Variants in SCAPER observed in about 807,000 individuals in gnomAD.
The protein encoded by SCAPER is S phase cyclin A-associated protein in the endoplasmic reticulum.
A neutral mutation model predicts 182.2 loss-of-function variants in SCAPER; 98 were observed. The observed-to-expected ratio is 0.54, with a 90% confidence interval of 0.46 to 0.64. The LOEUF (loss-of-function observed/expected upper bound fraction) is 0.64. SCAPER is among the 30% of genes least tolerant of loss of function. The pLI is 0.00. For missense variants in SCAPER, 1,432 were observed against 1,690.0 expected (o/e 0.85, Z 2.68); for synonymous variants, 605 against 564.6 (o/e 1.07, Z -1.01).
chr15:76,862,183 A>C (rs2151884199), intron 3 of SCAPER, among the ~76,000 whole-genome samples: 1 of 152,322 alleles, frequency 6.6e-6, no homozygotes, highest in Middle Eastern at 3.4e-3. Context: ...TCTGCTGGTC[A>C]TAATAACACA....
intron 23 of SCAPER, among the ~76,000 whole-genome samples, chr15:76,541,063 T>C (rs1823226956): frequency 6.6e-6 from 1 of 151,550 alleles, no homozygotes; most frequent in Non-Finnish European, 1.5e-5. Flanking sequence ...GAGGTTGCAG[T>C]GAGCCGAGAT....
At chr15:76,616,732 C>T (rs1182439329) in intron 22 of SCAPER, among the ~76,000 whole-genome samples, 2 of 151,940 alleles carry the variant, frequency 1.3e-5, no homozygotes, top group Non-Finnish European at 2.9e-5. Context: ...AATTTGCTTT[C>T]CTTGTTGATA....
intron 22 of SCAPER, among the ~76,000 whole-genome samples, chr15:76,584,863 T>C (rs956789055): frequency 2.0e-5 from 3 of 152,162 alleles, no homozygotes; most frequent in African/African-American, 4.8e-5. Flanking sequence ...TCAATTTAAA[T>C]AAGAAAGTTC....
At chr15:76,548,397 C>T (rs1236088635) in intron 23 of SCAPER, among the ~76,000 whole-genome samples, 1 of 151,904 alleles carries the variant, frequency 6.6e-6, no homozygotes, top group Non-Finnish European at 1.5e-5. Flanking sequence ...ACATTTTCGG[C>T]GATTAGGAAT....
chr15:76,742,061 G>C (rs988193373), intron 15 of SCAPER, among the ~76,000 whole-genome samples: 1 of 152,082 alleles, frequency 6.6e-6, no homozygotes, highest in Non-Finnish European at 1.5e-5. Context: ...TGGTTAGAGA[G>C]TAGAGAGAAA....
chr15:76,361,637 C>T (rs576234399), intron 29 of SCAPER, among the ~76,000 whole-genome samples: 36 of 152,226 alleles, frequency 2.4e-4, no homozygotes, highest in Middle Eastern at 6.8e-3. Context: ...TAAGTGAAGG[C>T]GTGAGAATTA....
intron 1 of SCAPER, among the ~76,000 whole-genome samples, chr15:76,901,193 G>C (rs528931977): frequency 6.6e-6 from 1 of 152,266 alleles, no homozygotes; most frequent in East Asian, 1.9e-4. Context: ...TCGCACCACT[G>C]CACTCCAGCC....
intron 25 of SCAPER, among the ~76,000 whole-genome samples, chr15:76,440,074 A>G (rs2047456041): frequency 6.6e-6 from 1 of 152,194 alleles, no homozygotes; most frequent in South Asian, 2.1e-4. Flanking sequence ...AAATTTGTAG[A>G]TATTTCATAC....
chr15:76,651,228 T>C (rs769819693), intron 21 of SCAPER, among the ~76,000 whole-genome samples: 1 of 152,026 alleles, frequency 6.6e-6, no homozygotes, highest in Non-Finnish European at 1.5e-5. Flanking sequence ...ATTAACAAAA[T>C]TGATAAATTC....
intron 7 of SCAPER, among the ~76,000 whole-genome samples, chr15:76,799,696 C>T (rs995055332): frequency 2.0e-5 from 3 of 152,162 alleles, no homozygotes; most frequent in Non-Finnish European, 4.4e-5. Flanking sequence ...CTGCCCACGA[C>T]GGCCCAGGCT....
chr15:76,884,039 T>G (rs1198802783), intron 1 of SCAPER, among the ~76,000 whole-genome samples, 163 bp from the exon 2 acceptor site: 3 of 152,186 alleles, frequency 2.0e-5, no homozygotes, highest in Non-Finnish European at 2.9e-5. Context: ...GCTTTAAATA[T>G]TCCATGCTGA....
chr15:76,595,517 C>T (rs1176089026), intron 22 of SCAPER, among the ~76,000 whole-genome samples: 1 of 121,726 alleles, frequency 8.2e-6, no homozygotes, highest in South Asian at 2.6e-4. Context: ...ATACATTCTT[C>T]TCAGTACCAC....
chr15:76,375,099 A>G (rs2042455323), intron 29 of SCAPER, among the ~76,000 whole-genome samples: 1 of 149,566 alleles, frequency 6.7e-6, no homozygotes, highest in South Asian at 2.1e-4. Flanking sequence ...CCGCCGGTAG[A>G]CCCAACTACT....
chr15:76,851,044 A>G (rs777712770), intron 4 of SCAPER, among the ~76,000 whole-genome samples: 1 of 152,130 alleles, frequency 6.6e-6, no homozygotes, highest in African/African-American at 2.4e-5. Flanking sequence ...AAACACACTA[A>G]GAATTTCACA....
intron 26 of SCAPER, among the ~76,000 whole-genome samples, chr15:76,412,645 T>C (rs2045373370): frequency 6.6e-6 from 1 of 152,192 alleles, no homozygotes. Flanking sequence ...TTGATTAGCA[T>C]AACTCTGTAG....
intron 4 of SCAPER, among the ~76,000 whole-genome samples, chr15:76,854,191 C>T (rs1012475115): frequency 2.0e-5 from 3 of 152,032 alleles, no homozygotes; most frequent in Non-Finnish European, 4.4e-5. Context: ...ATCGCTTGAA[C>T]CCAGGAGGCG....
intron 1 of SCAPER, among the ~76,000 whole-genome samples, chr15:76,892,551 C>G (rs2074223342): frequency 6.6e-6 from 1 of 152,186 alleles, no homozygotes; most frequent in South Asian, 2.1e-4. Context: ...ATTTATACAG[C>G]CAACAGACAC....
intron 17 of SCAPER, among the ~76,000 whole-genome samples, chr15:76,723,377 G>T (rs1416852209): frequency 6.6e-6 from 1 of 152,112 alleles, no homozygotes; most frequent in African/African-American, 2.4e-5. Flanking sequence ...AATAGGTGTG[G>T]TGTGGTGTGC....
chr15:76,839,772 T>C (rs759482683), intron 5 of SCAPER, among the ~76,000 whole-genome samples: 7 of 152,220 alleles, frequency 4.6e-5, no homozygotes, highest in Non-Finnish European at 8.8e-5. Context: ...AGCCACACTT[T>C]CTTGTGGCCA....
Sources: allele counts gnomAD v4.1 joint callset (sites outside exome capture counted in the v4.1 genomes callset), GRCh38; gene constraint gnomAD v4.1.1; transcripts MANE v1.5; gene names NCBI Gene and HGNC (gene_info 2026-07-23, HGNC 2026-07-21).